Variants in DSCAML1 observed in about 807,000 individuals in gnomAD.
DSCAML1 encodes the protein cell adhesion molecule DSCAML1.
A neutral mutation model predicts 200.5 loss-of-function variants in DSCAML1; 38 were observed. The ratio of observed to expected loss-of-function variants is 0.19; its 90% CI spans 0.15 to 0.25. DSCAML1 has a LOEUF of 0.25. DSCAML1 is among the 10% of genes least tolerant of loss of function. The probability of loss-of-function intolerance (pLI) is 1.00; values close to 1 mark genes in which losing one functional copy is unlikely to be tolerated. For missense variants in DSCAML1, 2,223 were observed against 2,858.8 expected, an observed-to-expected ratio of 0.78 and a Z score of 5.07; for synonymous variants, 1,215 against 1,165.0, an observed-to-expected ratio of 1.04 and a Z score of -0.87.
At chr11:117,754,806 ATGAT>A (rs2054659928) in intron 3 of DSCAML1, among the ~76,000 whole-genome samples, 1 of 152,000 alleles carries the variant, frequency 6.6e-6, no homozygotes, top group South Asian at 2.1e-4. Flanking sequence ...CAGCTTCCAA[ATGAT>A]CCCCTCACCT....
chr11:117,539,606 C>CAA lies in DSCAML1; in HGVS notation c.512-7086_512-7085dup, dbSNP rs35130897. Among the ~76,000 whole-genome samples the CAA allele has an allele frequency of 4.1e-3, 214 of 52,536 alleles. 1 individual carries two copies. Among genetic ancestry groups the CAA allele is most frequent in the African/African-American group, 7.4e-3 (91 of 12,348 alleles). The allele number at this position is 52,536 out of a possible 152,430, so 34.5% of individuals were successfully genotyped here. On this transcript the variant is annotated intron_variant, in intron 3 of 32. Coordinates refer to ENST00000651296, the MANE Select transcript of DSCAML1 (RefSeq NM_020693.4). ...CTGGGCAACAAGAGTAAAACTCTGT[C>CAA]AAAAAAAAAAAAAAAAAAAAAAAAG...
chr11:117,788,296 TTTG>T (rs747137807), intron 1 of DSCAML1, among the ~76,000 whole-genome samples: 1 of 152,036 alleles, frequency 6.6e-6, no homozygotes, highest in Non-Finnish European at 1.5e-5. Flanking sequence ...TTTGGTTTGT[TTTG>T]TTGTTGTTGT....
intron 3 of DSCAML1, among the ~76,000 whole-genome samples, chr11:117,610,739 A>G (rs2051672166): frequency 1.3e-5 from 2 of 151,448 alleles, no homozygotes; most frequent in South Asian, 4.2e-4. Flanking sequence ...AATTACACAC[A>G]GTCATATTCA....
At chr11:117,433,326 C>A (rs548056744) in intron 28 of DSCAML1, 70 bp from the exon 29 acceptor site, 10 of 1,568,204 alleles carry the variant, frequency 6.4e-6, no homozygotes, top group African/African-American at 1.4e-5. Context: ...CTCTGCAGGA[C>A]AGTGGGATTT....
chr11:117,547,505 T>C (rs1318973779), intron 3 of DSCAML1, among the ~76,000 whole-genome samples: 1 of 152,268 alleles, frequency 6.6e-6, no homozygotes, highest in African/African-American at 2.4e-5. Flanking sequence ...CATTAGCCAC[T>C]GAGCAGTTGG....
rs1216353795 is a variant in DSCAML1 at position 117,428,135 on chromosome 11, A to T, written c.*193T>A. ...GTCAAATTCTTTGTGCCCTGGCTTCATGGAGAAGAAGAAAATAGTTTCATT... is the reference window on the plus strand; with the variant it reads ...GTCAAATTCTTTGTGCCCTGGCTTCTTGGAGAAGAAGAAAATAGTTTCATT... On this transcript the variant is annotated 3_prime_UTR_variant, in exon 33 of 33. Transcript: ENST00000651296. 2 of 514,336 alleles carry T rather than the reference A, an allele frequency of 3.9e-6. No individual in the cohort carries two copies. Among genetic ancestry groups the T allele is most frequent in the Non-Finnish European group, 6.9e-6 (2 of 291,612 alleles). 31.9% of individuals were successfully genotyped at this position (514,336 alleles called of 1,614,324 possible).
intron 3 of DSCAML1, among the ~76,000 whole-genome samples, chr11:117,629,056 C>T (rs945955499): frequency 2.6e-5 from 4 of 152,034 alleles, no homozygotes; most frequent in Admixed American, 1.3e-4. Flanking sequence ...GCCCTGAGCA[C>T]GGCTAACCCA....
chr11:117,662,121 G>A (rs895194446), intron 3 of DSCAML1, among the ~76,000 whole-genome samples: 4 of 152,222 alleles, frequency 2.6e-5, no homozygotes, highest in African/African-American at 9.6e-5. Flanking sequence ...CAGGACAAAG[G>A]CTGGTCTGTA....
chr11:117,461,395 T>TACG (rs2048480251), intron 18 of DSCAML1, 55 bp downstream of exon 18: 2 of 1,609,858 alleles, frequency 1.2e-6, no homozygotes, highest in East Asian at 4.5e-5. Flanking sequence ...GGAAGCAGAC[T>TACG]CCACTGACCT....
Position 117,780,332 on chromosome 11 carries a change from T to TA in DSCAML1, c.364+160dup, listed in dbSNP as rs2055230138. Among the ~76,000 whole-genome samples, 1 of 149,748 alleles carries TA rather than the reference T, an allele frequency of 6.7e-6. No individual in the cohort carries two copies. The highest frequency in any genetic ancestry group is 6.6e-5 in the Admixed American group (1 of 15,106). ...AGAAAGGAGAAAGAAAGGTGTCTCTTATGCCTATGGACACACAGCAAGTGG... is the reference window on the plus strand; with the variant it reads ...AGAAAGGAGAAAGAAAGGTGTCTCTTAATGCCTATGGACACACAGCAAGTGG... On this transcript the variant is annotated intron_variant, in intron 2 of 32. Transcript: ENST00000651296. The surrounding 1 kb of genome is among the most constrained non-coding windows in gnomAD (Gnocchi z 4.8).
chr11:117,785,255 C>G (rs1181718533), intron 1 of DSCAML1, among the ~76,000 whole-genome samples: 4 of 152,068 alleles, frequency 2.6e-5, no homozygotes, highest in Non-Finnish European at 5.9e-5. Context: ...CATATGTGAC[C>G]CGGGGGCTGA....
At chr11:117,790,082 C>G (rs969131940) in intron 1 of DSCAML1, among the ~76,000 whole-genome samples, 1 of 152,208 alleles carries the variant, frequency 6.6e-6, no homozygotes, top group Non-Finnish European at 1.5e-5. Flanking sequence ...TCATACCCCA[C>G]GACTGCGGGA....
chr11:117,732,516 C>T (rs17121153), intron 3 of DSCAML1, among the ~76,000 whole-genome samples: 22,623 of 152,154 alleles, frequency 0.15, 3,339 homozygotes, highest in African/African-American at 0.38. Flanking sequence ...CTATCTGGCT[C>T]TCACACTGTA....
rs972113570 is a variant in DSCAML1, at chr11:117,677,978, G to A, written c.511+98813C>T. ...GCCGAAGAAAGAGGCTGTGCGGTGTGTCCTAGAACAGAGCTAAGGGGGACT... is the reference window on the plus strand; with the variant it reads ...GCCGAAGAAAGAGGCTGTGCGGTGTATCCTAGAACAGAGCTAAGGGGGACT... On this transcript the variant is annotated intron_variant, in intron 3 of 32. Transcript: ENST00000651296. Among the ~76,000 whole-genome samples, 4 of 152,200 alleles carry A rather than the reference G, an allele frequency of 2.6e-5. No homozygotes were observed. The East Asian group carries it at 7.7e-4, about 29-fold the overall frequency.
chr11:117,567,185 G>T (rs190890775), intron 3 of DSCAML1, among the ~76,000 whole-genome samples: 1 of 152,148 alleles, frequency 6.6e-6, no homozygotes, highest in South Asian at 2.1e-4. Context: ...ACTAGTTTAC[G>T]GTCCCACTAA....
chr11:117,503,697 G>T lies in DSCAML1; in HGVS notation c.2359+148C>A. ...GTGCTTTTGAATGCCCCATCCAAGG[G>T]TCCCAAGGCCACCTCTCACTAGGAA... On this transcript the variant is annotated intron_variant, in intron 11 of 32. Coordinates refer to ENST00000651296, the MANE Select transcript of DSCAML1 (RefSeq NM_020693.4). The surrounding 1 kb of genome is among the most constrained non-coding windows in gnomAD (Gnocchi z 5.2). 1.0e-6 allele frequency: 1 copy of T among 952,684 alleles called. No individual in the cohort carries two copies. The highest frequency in any genetic ancestry group is 1.5e-6 in the Non-Finnish European group (1 of 657,420). 59.0% of individuals were successfully genotyped at this position (952,684 alleles called of 1,614,324 possible).
intron 14 of DSCAML1, 110 bp from the exon 15 acceptor site, chr11:117,472,146 G>A: frequency 1.6e-6 from 2 of 1,232,906 alleles, no homozygotes; most frequent in East Asian, 2.4e-5. Flanking sequence ...GAGGGGTCCA[G>A]CTCACACAGA....
chr11:117,492,498 C>T (rs942677202), intron 11 of DSCAML1, among the ~76,000 whole-genome samples: 9 of 152,140 alleles, frequency 5.9e-5, no homozygotes, highest in Admixed American at 4.6e-4. Flanking sequence ...GCAGGGAGCC[C>T]GTGTGTTCAA....
intron 8 of DSCAML1, among the ~76,000 whole-genome samples, chr11:117,506,537 C>T (rs1157241563): frequency 5.8e-5 from 8 of 138,258 alleles, no homozygotes; most frequent in Non-Finnish European, 1.1e-4. Context: ...AGACAAGAGA[C>T]AAGAGATAAC....
Sources: allele counts gnomAD v4.1 joint callset (sites outside exome capture counted in the v4.1 genomes callset), GRCh38; gene constraint gnomAD v4.1.1; non-coding constraint Gnocchi (gnomAD v3.1); transcripts MANE v1.5; gene names NCBI Gene and HGNC (gene_info 2026-07-23, HGNC 2026-07-21).